Variants in TPP2 observed in about 807,000 individuals in gnomAD.
The protein encoded by TPP2 is tripeptidyl-peptidase 2.
TPP2 carries 34 observed loss-of-function variants against 155.9 expected under a neutral mutation model. The observed-to-expected ratio is 0.22, with a 90% confidence interval of 0.17 to 0.29. TPP2 has a LOEUF of 0.29. Among genes scored for constraint, TPP2 ranks in the 10% least tolerant of loss-of-function variants. The pLI is 1.00. For synonymous variants in TPP2, 510 were observed against 529.4 expected, an observed-to-expected ratio of 0.96 and a Z score of 0.50; for missense variants, 1,028 against 1,522.3, an observed-to-expected ratio of 0.68 and a Z score of 5.40.
chr13:102,607,582 A>G (rs1879936642), intron 2 of TPP2: 1 of 392,600 alleles, frequency 2.5e-6, no homozygotes, highest in Non-Finnish European at 5.2e-6. Context: ...TTACTCGAGC[A>G]TTTATTTATT....
chr13:102,651,407 G>A lies in TPP2; in HGVS notation c.2991+10G>A. Reference sequence around the variant, plus strand: ...AGGAAAATTTAAAAAGGTACTGATTGTCAGTTCTTAAAAAAGATGTCTTAA... The same window carrying A: ...AGGAAAATTTAAAAAGGTACTGATTATCAGTTCTTAAAAAAGATGTCTTAA... On this transcript the variant is annotated intron_variant, in intron 24 of 29. Coordinates refer to ENST00000376052, the MANE Select transcript of TPP2 (RefSeq NM_001330588.2). 2 of 1,572,614 alleles carry A rather than the reference G, an allele frequency of 1.3e-6. No individual in the cohort carries two copies. The highest frequency in any genetic ancestry group is 1.7e-6 in the Non-Finnish European group (2 of 1,158,044).
At position 102,616,899 on chromosome 13, in the gene TPP2, GTTTTGTT is replaced by G. The variant is rs1265619644; in HGVS notation, c.495+418_495+424del. On this transcript the variant is annotated intron_variant, in intron 4 of 29. Coordinates refer to ENST00000376052, the MANE Select transcript of TPP2 (RefSeq NM_001330588.2). ...GTGTAAAATGGAACCATATAGTATGGTTTTGTTTTTTGTTTTTTGTTTTTTTTTTTTG... is the reference window on the plus strand; with the variant it reads ...GTGTAAAATGGAACCATATAGTATGGTTTTGTTTTTTGTTTTTTTTTTTTG... Among the ~76,000 whole-genome samples, 44 of 149,176 alleles carry G rather than the reference GTTTTGTT, an allele frequency of 2.9e-4. No homozygotes were observed. In the East Asian group the frequency reaches 7.6e-3, roughly 26 times the overall value.
At chr13:102,601,678 A>G (rs1879441611) in intron 1 of TPP2, among the ~76,000 whole-genome samples, 2 of 152,130 alleles carry the variant, frequency 1.3e-5, no homozygotes, top group African/African-American at 4.8e-5. Context: ...GAGATGAGTG[A>G]TATAGTTCCA....
intron 13 of TPP2, among the ~76,000 whole-genome samples, chr13:102,636,828 G>A (rs1406138739): frequency 6.6e-6 from 1 of 152,160 alleles, no homozygotes; most frequent in Non-Finnish European, 1.5e-5. Flanking sequence ...ACTATGACCT[G>A]TGTGCAGTAA....
At position 102,663,738 on chromosome 13, in the gene TPP2, T is replaced by C; in HGVS notation, c.3234T>C (p.Ala1078=). 6.3e-7 allele frequency: 1 copy of C among 1,598,460 alleles called. No homozygotes were observed. The highest frequency in any genetic ancestry group is 8.5e-7 in the Non-Finnish European group (1 of 1,174,632). ...TTGCACGACTTCATCAATTGGATGC[T>C]GAAAAGGTTAGACATGTTCATTCTG... ...LYVARLHQLD[A]EKERMKRLNE... The change falls in exon 26 of 30, where the codon GCT becomes GCC. Residue 1078 remains alanine (A), a synonymous_variant. Coordinates refer to ENST00000376052, the MANE Select transcript of TPP2 (RefSeq NM_001330588.2).
chr13:102,652,397 C>CATATATATATATAT (rs10530428), intron 24 of TPP2, among the ~76,000 whole-genome samples: 8 of 125,544 alleles, frequency 6.4e-5, no homozygotes, highest in Admixed American at 9.4e-5. Context: ...AACATACATA[C>CATATATATATATAT]ATATATATAT....
intron 24 of TPP2, among the ~76,000 whole-genome samples, chr13:102,656,436 G>C (rs1057018210): frequency 4.6e-5 from 7 of 152,080 alleles, no homozygotes; most frequent in African/African-American, 1.4e-4. Context: ...GGTCGTTTGC[G>C]TAAGATATTA....
intron 3 of TPP2, among the ~76,000 whole-genome samples, chr13:102,614,605 TTAAC>T (rs1326328736): frequency 1.3e-5 from 2 of 152,316 alleles, no homozygotes; most frequent in African/African-American, 2.4e-5. Flanking sequence ...CCTCCCCTGT[TTAAC>T]TAGCCTTCTT....
intron 27 of TPP2, among the ~76,000 whole-genome samples, chr13:102,672,314 A>AC (rs1177155241): frequency 1.3e-5 from 2 of 151,950 alleles, no homozygotes; most frequent in Admixed American, 6.6e-5. Context: ...AACATTGTCG[A>AC]CCCCCCAAGT....
intron 12 of TPP2, among the ~76,000 whole-genome samples, chr13:102,636,013 CAG>C (rs1391490665): frequency 1.3e-5 from 2 of 152,098 alleles, no homozygotes; most frequent in East Asian, 1.9e-4. Context: ...TTGAGAATAA[CAG>C]TGTGAATAGA....
At chr13:102,614,247 T>G in intron 3 of TPP2, 51 bp downstream of exon 3, 2 of 1,416,218 alleles carry the variant, frequency 1.4e-6, no homozygotes, top group South Asian at 1.3e-5. Context: ...CTTGTCTTCT[T>G]CCTCAGATTT....
rs564198722 is a variant in TPP2, at chr13:102,679,149, A to G, written c.*833A>G. ...ACCTTAATTTTTTTTTATAAATAAT[A>G]AAAGTGAATATTGAAGCTTCTTAAA... On this transcript the variant is annotated 3_prime_UTR_variant, in exon 30 of 30. Transcript: ENST00000376052. 6.5e-6 allele frequency: 1 copy of G among 152,742 alleles called. No individual in the cohort carries two copies. The highest frequency in any genetic ancestry group is 2.1e-4 in the South Asian group (1 of 4,830). The allele number at this position is 152,742 out of a possible 1,614,324, so 9.5% of individuals were successfully genotyped here. A position where few individuals can be genotyped will look rare whatever the true frequency, so the allele number is the denominator to read the frequency against.
intron 27 of TPP2, among the ~76,000 whole-genome samples, chr13:102,669,835 G>T (rs940609989): frequency 6.6e-6 from 1 of 152,134 alleles, no homozygotes; most frequent in African/African-American, 2.4e-5. Context: ...TGAGCTGTGG[G>T]CCCAAATGTA....
At chr13:102,670,573 G>A (rs891147267) in intron 27 of TPP2, among the ~76,000 whole-genome samples, 4 of 152,136 alleles carry the variant, frequency 2.6e-5, no homozygotes, top group Non-Finnish European at 4.4e-5. Context: ...ATTGAATATC[G>A]TGGGTCTGTG....
intron 6 of TPP2, 46 bp downstream of exon 6, chr13:102,623,086 A>G: frequency 6.4e-7 from 1 of 1,568,536 alleles, no homozygotes; most frequent in Non-Finnish European, 8.6e-7. Flanking sequence ...TTATGAGGTG[A>G]TAAAGTGGTA....
In TPP2 at chr13:102,674,400, A is replaced by C; in HGVS notation, c.3489A>C (p.Glu1163Asp). 6.2e-7 allele frequency: 1 copy of C among 1,614,022 alleles called. No individual in the cohort carries two copies. Among genetic ancestry groups the C allele is most frequent in the Non-Finnish European group, 8.5e-7 (1 of 1,179,900 alleles). The change falls in exon 28 of 30, where the codon GAA becomes GAC. Residue 1163 changes from glutamate to aspartate, a missense_variant. Physicochemically the swap from Glu to Asp is conservative, Grantham distance 45. Transcript: ENST00000376052. Reference sequence around the variant, plus strand: ...ACGGAGCCATTTCCACTGATGCAGAAGGAAAGGAGGAGGAAGGAGAAAGTC... The same window carrying C: ...ACGGAGCCATTTCCACTGATGCAGACGGAAAGGAGGAGGAAGGAGAAAGTC... ...AQDGAISTDA[E>D]GKEEEGESPL...
intron 2 of TPP2, among the ~76,000 whole-genome samples, chr13:102,613,060 T>C (rs1262955035): frequency 6.6e-6 from 1 of 152,218 alleles, no homozygotes; most frequent in Non-Finnish European, 1.5e-5. Context: ...AGTTCAGAAT[T>C]CCTATTCTTT....
chr13:102,633,871 A>G, intron 10 of TPP2, 79 bp from the exon 11 acceptor site: 1 of 1,588,198 alleles, frequency 6.3e-7, no homozygotes, highest in Middle Eastern at 1.7e-4. Context: ...TATTGGATTT[A>G]ACCAGTGGTC....
intron 1 of TPP2, among the ~76,000 whole-genome samples, chr13:102,604,591 C>T (rs540545417): frequency 5.9e-5 from 9 of 152,200 alleles, no homozygotes; most frequent in South Asian, 2.1e-4. Flanking sequence ...ATATATGAAA[C>T]GACTTGAAGG....
Sources: gnomAD v4.1 joint callset for allele counts (sites outside exome capture counted in the v4.1 genomes callset) on GRCh38, gnomAD v4.1.1 for gene constraint, MANE v1.5 for transcripts, NCBI Gene and HGNC (gene_info 2026-07-23, HGNC 2026-07-21) for gene names.